The following PTPN21 variants were observed in gnomAD, a reference collection of about 807,000 sequenced individuals.
PTPN21 encodes the protein tyrosine-protein phosphatase non-receptor type 21.
PTPN21 carries 77 observed loss-of-function variants against 131.8 expected under a neutral mutation model. That is an observed-to-expected ratio of 0.58 (90% CI 0.49 to 0.71). PTPN21 has a LOEUF of 0.71. PTPN21 is among the 30% of genes least tolerant of loss of function. PTPN21 has a pLI of 0.00. For synonymous variants in PTPN21, 715 were observed against 621.3 expected (o/e 1.15, Z -2.24); for missense variants, 1,552 against 1,527.1 (o/e 1.02, Z -0.27).
rs1426893196 is a variant in PTPN21 at position 88,480,234 on chromosome 14, G to A, written c.1197C>T (p.Ser399=). 1.2e-6 allele frequency: 2 copies of A among 1,613,988 alleles called. No individual in the cohort carries two copies. ...IRNGSVYSAH[S]TNSLNNPQPY... The stretch of plus-strand genomic sequence containing the variant: ...GCTGAGGATTATTTAAGGAGTTGGT[G>A]CTGTGTGCACTGTAGACACTGCCAT... Residue 399 remains serine (S), a synonymous_variant, in exon 13 of 19, where the codon AGC becomes AGT. Coordinates refer to ENST00000556564, the MANE Select transcript of PTPN21 (RefSeq NM_007039.4).
At chr14:88,481,088 G>A (rs966065743) in intron 12 of PTPN21, among the ~76,000 whole-genome samples, 1 of 152,170 alleles carries the variant, frequency 6.6e-6, no homozygotes, top group Non-Finnish European at 1.5e-5. Context: ...TAGCTCACCT[G>A]CCCTCTGTTA....
chr14:88,491,894 G>GT (rs1228513182), intron 10 of PTPN21, among the ~76,000 whole-genome samples: 3 of 152,124 alleles, frequency 2.0e-5, no homozygotes, highest in African/African-American at 7.2e-5. Context: ...CATTAATGTA[G>GT]TTTTGTTCAC....
chr14:88,550,673 G>A (rs891751), intron 1 of PTPN21, 54 bp from the exon 2 acceptor site: 327,919 of 357,246 alleles, frequency 0.92, 151,714 homozygotes, highest in Non-Finnish European at 0.95. Flanking sequence ...GGCTTTGCTT[G>A]TATAAAGAAA....
intron 2 of PTPN21, among the ~76,000 whole-genome samples, chr14:88,517,944 A>G (rs1480596153): frequency 1.4e-5 from 2 of 147,504 alleles, no homozygotes; most frequent in Non-Finnish European, 3.0e-5. Flanking sequence ...GTGTTTTAGT[A>G]ATTGAAAAAC....
intron 12 of PTPN21, among the ~76,000 whole-genome samples, chr14:88,481,227 ATACT>A (rs1206187753): frequency 2.6e-5 from 4 of 152,182 alleles, no homozygotes; most frequent in Admixed American, 6.5e-5. Flanking sequence ...GATCATGGTG[ATACT>A]TAAGTAATAC....
At chr14:88,531,658 G>A (rs4904453) in intron 2 of PTPN21, among the ~76,000 whole-genome samples, 143,242 of 152,230 alleles carry the variant, frequency 0.94, 67,833 homozygotes, top group Non-Finnish European at 1. Context: ...TTAAATGCCT[G>A]TATCAAAAAG....
Position 88,504,404 on chromosome 14 carries a change from T to C in PTPN21, c.587+21A>G, listed in dbSNP as rs762169156. ...AGACATTGGTTCTATGCTATTTCCA[T>C]GTCTTATTTCTTAGAGTTACCTGTA... On this transcript the variant is annotated intron_variant, in intron 6 of 18. Transcript: ENST00000556564. 2.2e-5 allele frequency: 33 copies of C among 1,525,344 alleles called. No homozygotes were observed. The South Asian group carries it at 3.1e-4, about 15-fold the overall frequency. 94.5% of individuals were successfully genotyped at this position (1,525,344 alleles called of 1,614,324 possible).
chr14:88,545,154 T>C (rs1298356638), intron 2 of PTPN21, among the ~76,000 whole-genome samples: 2 of 152,302 alleles, frequency 1.3e-5, no homozygotes, highest in South Asian at 2.1e-4. Context: ...AAATATCTAC[T>C]TTTTCAAGGT....
intron 13 of PTPN21, among the ~76,000 whole-genome samples, chr14:88,475,684 G>A (rs1466502981): frequency 6.6e-6 from 1 of 152,214 alleles, no homozygotes; most frequent in Non-Finnish European, 1.5e-5. Flanking sequence ...TATCCATGGT[G>A]TAAATACTCC....
chr14:88,516,062 C>G (rs1280906814), intron 3 of PTPN21, among the ~76,000 whole-genome samples: 1 of 152,186 alleles, frequency 6.6e-6, no homozygotes, highest in Admixed American at 6.5e-5. Flanking sequence ...CAGGTTCTTA[C>G]TATCTGCAAG....
intron 2 of PTPN21, among the ~76,000 whole-genome samples, chr14:88,518,255 A>AAAAAAAAATAT (rs1566839513): frequency 5.4e-5 from 1 of 18,668 alleles, no homozygotes; most frequent in Non-Finnish European, 9.1e-5. Flanking sequence ...AAAAAAAAAA[A>AAAAAAAAATAT]ATATATATAT....
At position 88,469,826 on chromosome 14, in the gene PTPN21, A is replaced by AC. The variant is rs758062375; in HGVS notation, c.3001-94dup. ...ACATCTGAAACAGAACCACAACCCT[A>AC]CCCTGCCTTTTTCTCCACAGGTCAG... On this transcript the variant is annotated intron_variant, in intron 16 of 18. Coordinates refer to ENST00000556564, the MANE Select transcript of PTPN21 (RefSeq NM_007039.4). The surrounding 1 kb of genome is among the most constrained non-coding windows in gnomAD (Gnocchi z 4.3). The AC allele has an allele frequency of 1.9e-6, 3 of 1,601,456 alleles. No individual in the cohort carries two copies. Among genetic ancestry groups the AC allele is most frequent in the Non-Finnish European group, 2.6e-6 (3 of 1,168,972 alleles).
chr14:88,476,406 C>G (rs1392679364), intron 13 of PTPN21, among the ~76,000 whole-genome samples: 1 of 152,152 alleles, frequency 6.6e-6, no homozygotes, highest in Non-Finnish European at 1.5e-5. Context: ...CTCTCATTTA[C>G]AAATGTAAAA....
At chr14:88,489,763 C>G (rs2077795593) in intron 10 of PTPN21, among the ~76,000 whole-genome samples, 1 of 152,170 alleles carries the variant, frequency 6.6e-6, no homozygotes, top group African/African-American at 2.4e-5. Context: ...AGAATAAATG[C>G]TCTCCTCCCA....
Position 88,479,632 on chromosome 14 carries a change from T to A in PTPN21, c.1799A>T (p.His600Leu). ...CTCCTGGAACGTTTGCACCGAGTGG[T>A]GCACGCGCCGCGTGATGAGGTCGGG... is the stretch of plus-strand genomic sequence containing the variant. ...SNPDLITRRV[H>L]HSVQTFQEDS... Residue 600 changes from histidine (H) to leucine (L), a missense_variant, in exon 13 of 19, where the codon CAC becomes CTC. Physicochemically the swap from His to Leu is moderately conservative, Grantham distance 99. Coordinates refer to ENST00000556564, the MANE Select transcript of PTPN21 (RefSeq NM_007039.4). The A allele has an allele frequency of 6.4e-7, 1 of 1,564,154 alleles. No homozygotes were observed. Among genetic ancestry groups the A allele is most frequent in the East Asian group, 2.3e-5 (1 of 44,030 alleles).
At chr14:88,533,545 C>A (rs1317749924) in intron 2 of PTPN21, among the ~76,000 whole-genome samples, 1 of 152,166 alleles carries the variant, frequency 6.6e-6, no homozygotes, top group Non-Finnish European at 1.5e-5. Context: ...CTGATTTATG[C>A]ATTTATTATA....
chr14:88,499,347 G>A (rs1037661350), intron 8 of PTPN21: 2 of 152,300 alleles, frequency 1.3e-5, no homozygotes, highest in Non-Finnish European at 2.9e-5. Context: ...TCAGTTTAGA[G>A]AAAAAGCTCT....
In PTPN21 at chr14:88,504,515, G is replaced by A. The variant is rs570463573; in HGVS notation, c.517-20C>T. On this transcript the variant is annotated intron_variant, in intron 5 of 18. Transcript: ENST00000556564. The stretch of plus-strand genomic sequence containing the variant: ...CCATCCCTGAAGAAAACACACAGTG[G>A]TAAGTATGTGACAATTCACCCCAAT... 33 of 1,585,012 alleles carry A rather than the reference G, an allele frequency of 2.1e-5. No homozygotes were observed. Among genetic ancestry groups the A allele is most frequent in the Non-Finnish European group, 2.7e-5 (31 of 1,154,398 alleles).
At chr14:88,534,867 ACT>A (rs2078607014) in intron 2 of PTPN21, among the ~76,000 whole-genome samples, 1 of 152,018 alleles carries the variant, frequency 6.6e-6, no homozygotes, top group Admixed American at 6.6e-5. Context: ...ACAGAGTGAG[ACT>A]CTGTCTTAAA....
Sources: allele counts gnomAD v4.1 joint callset (sites outside exome capture counted in the v4.1 genomes callset), GRCh38; gene constraint gnomAD v4.1.1; non-coding constraint Gnocchi (gnomAD v3.1); transcripts MANE v1.5; gene names NCBI Gene and HGNC (gene_info 2026-07-23, HGNC 2026-07-21).